Variants in NEK11 observed in about 807,000 individuals in gnomAD.
NEK11 encodes NIMA related kinase 11, also known as serine/threonine-protein kinase Nek11.
Under a neutral mutation model 80.7 loss-of-function variants are expected in NEK11, and 72 were observed. That is an observed-to-expected ratio of 0.89 (90% CI 0.74 to 1.08). NEK11 has a LOEUF of 1.08. Ranked by LOEUF, NEK11 falls within the 50% of genes least tolerant of loss-of-function variation. The probability of loss-of-function intolerance (pLI) is 0.00; values close to 1 mark genes in which losing one functional copy is unlikely to be tolerated. For missense variants in NEK11, 764 were observed against 763.6 expected, an observed-to-expected ratio of 1.00 and a Z score of -0.01; for synonymous variants, 251 against 260.7, an observed-to-expected ratio of 0.96 and a Z score of 0.36.
chr3:131,235,017 G>A (rs909809591), intron 15 of NEK11, among the ~76,000 whole-genome samples: 3 of 152,052 alleles, frequency 2.0e-5, no homozygotes, highest in African/African-American at 4.8e-5. Flanking sequence ...GTGAAAAAAG[G>A]GCAAAGCAAA....
intron 5 of NEK11, among the ~76,000 whole-genome samples, chr3:131,116,378 A>G (rs529965646): frequency 6.6e-6 from 1 of 152,254 alleles, no homozygotes; most frequent in South Asian, 2.1e-4. Flanking sequence ...TCTATCACTG[A>G]TGGAAATTTG....
chr3:131,028,828 A>G (rs1324801548), intron 2 of NEK11, among the ~76,000 whole-genome samples: 1 of 151,634 alleles, frequency 6.6e-6, no homozygotes, highest in Admixed American at 6.6e-5. Flanking sequence ...TGCTGGTACT[A>G]CAGGCGTGAG....
At chr3:131,053,034 T>TATA (rs2068712819) in intron 3 of NEK11, among the ~76,000 whole-genome samples, 1 of 152,114 alleles carries the variant, frequency 6.6e-6, no homozygotes, top group South Asian at 2.1e-4. Context: ...ACACTCTTAT[T>TATA]AGCATTAATG....
At chr3:131,337,565 T>C (rs1395911989) in intron 17 of NEK11, among the ~76,000 whole-genome samples, 2 of 151,564 alleles carry the variant, frequency 1.3e-5, no homozygotes, top group Non-Finnish European at 2.9e-5. Flanking sequence ...TGTATACATA[T>C]GTAACTAACC....
intron 16 of NEK11, among the ~76,000 whole-genome samples, 155 bp from the exon 17 acceptor site, chr3:131,273,323 T>C (rs2096233735): frequency 6.6e-6 from 1 of 152,226 alleles, no homozygotes; most frequent in African/African-American, 2.4e-5. Context: ...TAAATCTTCT[T>C]AATGTGCGTG....
At chr3:131,164,289 G>A (rs1457865816) in intron 11 of NEK11, among the ~76,000 whole-genome samples, 1 of 152,160 alleles carries the variant, frequency 6.6e-6, no homozygotes, top group Non-Finnish European at 1.5e-5. Flanking sequence ...CCAATATCAA[G>A]CTAACAATAT....
Position 131,131,053 on chromosome 3 carries a change from C to T in NEK11, c.456-1692C>T, listed in dbSNP as rs559535690. Among the ~76,000 whole-genome samples, 7 of 152,306 alleles carry T rather than the reference C, an allele frequency of 4.6e-5. No homozygotes were observed. The South Asian group carries it at 1.0e-3, about 23-fold the overall frequency. On this transcript the variant is annotated intron_variant, in intron 5 of 17. Coordinates refer to ENST00000383366, the MANE Select transcript of NEK11 (RefSeq NM_024800.5). ...CTGACCCCAGGTGATCCACCCACCT[C>T]GGCTTCCCAAAGTGCTTGGACCACA...
At chr3:131,202,361 C>T (rs1339837339) in intron 14 of NEK11, among the ~76,000 whole-genome samples, 1 of 152,096 alleles carries the variant, frequency 6.6e-6, no homozygotes, top group Non-Finnish European at 1.5e-5. Context: ...CCCTGACAGA[C>T]TGTACTGGGA....
intron 17 of NEK11, among the ~76,000 whole-genome samples, chr3:131,307,135 A>G (rs1332905798): frequency 6.6e-6 from 1 of 152,192 alleles, no homozygotes; most frequent in Non-Finnish European, 1.5e-5. Context: ...ATGAGAAACT[A>G]GAAGTCCTCC....
At chr3:131,060,908 C>T (rs2070734892) in intron 3 of NEK11, among the ~76,000 whole-genome samples, 1 of 152,156 alleles carries the variant, frequency 6.6e-6, no homozygotes, top group Admixed American at 6.5e-5. Flanking sequence ...ACTAAAGAGA[C>T]TGAGTAGTTT....
chr3:131,132,809 G>A lies in NEK11; in HGVS notation c.520G>A (p.Gly174Arg). 1 of 1,396,416 alleles carries A rather than the reference G, an allele frequency of 7.2e-7. No individual in the cohort carries two copies. Among genetic ancestry groups the A allele is most frequent in the South Asian group, 1.3e-5 (1 of 78,286 alleles). The allele number at this position is 1,396,416 out of a possible 1,614,324, so 86.5% of individuals were successfully genotyped here. A position where few individuals can be genotyped will look rare whatever the true frequency, so the allele number is the denominator to read the frequency against. The stretch of plus-strand genomic sequence containing the variant: ...TCTGAAAAATAATCTCCTTAAAATT[G>A]GTAAGATTTTAAAAAGTATGAATTC... ...VFLKNNLLKI[G>R]DFGVSRLLMG... The change falls in exon 6 of 18, where the codon GGA becomes AGA. Residue 174 changes from glycine to arginine, a missense_variant and splice_region_variant. By Grantham distance (125) the Gly-to-Arg change is moderately radical. Coordinates refer to ENST00000383366, the MANE Select transcript of NEK11 (RefSeq NM_024800.5).
chr3:131,292,387 T>C (rs2096553057), intron 17 of NEK11, among the ~76,000 whole-genome samples: 1 of 152,250 alleles, frequency 6.6e-6, no homozygotes. Flanking sequence ...TTGTGTTGAC[T>C]ATTCTAAACC....
At chr3:131,146,368 T>TACCAAC (rs1332584430) in intron 7 of NEK11, among the ~76,000 whole-genome samples, 1 of 152,172 alleles carries the variant, frequency 6.6e-6, no homozygotes, top group African/African-American at 2.4e-5. Flanking sequence ...CTAATACCAA[T>TACCAAC]ACCAACATGA....
chr3:131,140,710 G>T (rs1237004673), intron 7 of NEK11, among the ~76,000 whole-genome samples: 2 of 152,168 alleles, frequency 1.3e-5, no homozygotes, highest in East Asian at 3.9e-4. Flanking sequence ...AAGAGAAGTG[G>T]CTTGTGCCAG....
At chr3:131,046,323 T>C (rs2067382316) in intron 3 of NEK11, among the ~76,000 whole-genome samples, 1 of 152,150 alleles carries the variant, frequency 6.6e-6, no homozygotes, top group Non-Finnish European at 1.5e-5. Context: ...TCTCTCAGTA[T>C]TTGTTTGTCT....
chr3:131,106,105 A>G (rs2079137363), intron 4 of NEK11, among the ~76,000 whole-genome samples: 1 of 152,208 alleles, frequency 6.6e-6, no homozygotes. Context: ...AAGTGTGAAT[A>G]TCATGCCAGC....
intron 14 of NEK11, among the ~76,000 whole-genome samples, chr3:131,213,041 C>G (rs551453046): frequency 6.6e-6 from 1 of 152,254 alleles, no homozygotes; most frequent in African/African-American, 2.4e-5. Context: ...TCCAGGCTTC[C>G]TTTGGACTTA....
At chr3:131,323,852 T>C (rs1045519749) in intron 17 of NEK11, among the ~76,000 whole-genome samples, 3 of 152,196 alleles carry the variant, frequency 2.0e-5, no homozygotes, top group African/African-American at 7.2e-5. Context: ...AGACAATTTA[T>C]TGTGCAAACC....
At chr3:131,149,015 T>C (rs1207383232) in intron 7 of NEK11, among the ~76,000 whole-genome samples, 1 of 152,040 alleles carries the variant, frequency 6.6e-6, no homozygotes, top group Non-Finnish European at 1.5e-5. Context: ...TTCTAACTAT[T>C]TTGAAATATA....
Sources: gnomAD v4.1 joint callset for allele counts (sites outside exome capture counted in the v4.1 genomes callset) on GRCh38, gnomAD v4.1.1 for gene constraint, MANE v1.5 for transcripts, NCBI Gene and HGNC (gene_info 2026-07-23, HGNC 2026-07-21) for gene names.